XPO1: variants seen among roughly 807,000 people sequenced by gnomAD.
The protein encoded by XPO1 is exportin 1, also known as exportin-1.
Under a neutral mutation model 133.3 loss-of-function variants are expected in XPO1, and 5 were observed. The observed-to-expected ratio is 0.04, with a 90% CI of 0.02 to 0.08. The LOEUF (loss-of-function observed/expected upper bound fraction) is 0.08, where lower values mean the gene tolerates loss of function less well. Ranked by LOEUF, XPO1 falls within the 10% of genes least tolerant of loss-of-function variation. The pLI is 1.00. For synonymous variants in XPO1, 419 were observed against 408.2 expected, an observed-to-expected ratio of 1.03 and a Z score of -0.32; for missense variants, 506 against 1,267.5, an observed-to-expected ratio of 0.40 and a Z score of 9.12.
At chr2:61,527,750 T>C (rs111656672) in intron 2 of XPO1, among the ~76,000 whole-genome samples, 1 of 152,190 alleles carries the variant, frequency 6.6e-6, no homozygotes, top group African/African-American at 2.4e-5. Flanking sequence ...ATCTTTGTTT[T>C]GGAAACTATT....
chr2:61,500,578 C>CAAAAAA (rs56213841), intron 6 of XPO1, among the ~76,000 whole-genome samples: 10,220 of 40,060 alleles, frequency 0.26, 1,824 homozygotes, highest in Non-Finnish European at 0.29. Context: ...GACTCCATCT[C>CAAAAAA]AAAAAAAAAA....
chr2:61,516,440 G>C (rs1698394643), intron 4 of XPO1, among the ~76,000 whole-genome samples: 1 of 151,672 alleles, frequency 6.6e-6, no homozygotes, highest in African/African-American at 2.4e-5. Context: ...TTGAGACTGA[G>C]TTTCGCTCTT....
chr2:61,504,924 G>A (rs1444822232), intron 4 of XPO1, among the ~76,000 whole-genome samples: 1 of 152,178 alleles, frequency 6.6e-6, no homozygotes, highest in Non-Finnish European at 1.5e-5. Context: ...ATACATGTAA[G>A]AGAAATCTAA....
rs200367052 is a variant in XPO1 at position 61,493,060 on chromosome 2, T to G, written c.1246-7A>C. 4 of 1,572,496 alleles carry G rather than the reference T, an allele frequency of 2.5e-6. No individual in the cohort carries two copies. In the Admixed American group the frequency reaches 8.4e-5, roughly 33 times the overall value. On this transcript the variant is annotated splice_polypyrimidine_tract_variant and splice_region_variant and intron_variant, in intron 12 of 24. Transcript: ENST00000401558. ...TAACCATTAATAAACGGACCTATAC[T>G]CAACAATATATCAATCAAGAAAAAA...
chr2:61,479,446 G>A (rs1241444727), intron 24 of XPO1, among the ~76,000 whole-genome samples: 1 of 124,584 alleles, frequency 8.0e-6, no homozygotes. Flanking sequence ...AAGCGAGACT[G>A]TGCCCCCCCA....
At chr2:61,524,042 G>A (rs1048988931) in intron 3 of XPO1, among the ~76,000 whole-genome samples, 1 of 152,050 alleles carries the variant, frequency 6.6e-6, no homozygotes, top group Admixed American at 6.6e-5. Flanking sequence ...TTATGTCTAG[G>A]TCTGAGAAAT....
intron 4 of XPO1, among the ~76,000 whole-genome samples, chr2:61,504,940 TTAAG>T (rs1697721537): frequency 6.6e-6 from 1 of 152,224 alleles, no homozygotes; most frequent in Non-Finnish European, 1.5e-5. Context: ...TCTAATGGTG[TTAAG>T]TGTCAATATG....
At chr2:61,511,737 G>A (rs1573180913) in intron 4 of XPO1, among the ~76,000 whole-genome samples, 3 of 151,670 alleles carry the variant, frequency 2.0e-5, no homozygotes, top group Admixed American at 2.0e-4. Context: ...ATAATTTATA[G>A]CTTACAGATA....
Position 61,497,017 on chromosome 2 carries a change from A to G in XPO1, c.760-10T>C, listed in dbSNP as rs1558644580. 1 of 1,600,536 alleles carries G rather than the reference A, an allele frequency of 6.2e-7. No homozygotes were observed. Among genetic ancestry groups the G allele is most frequent in the Non-Finnish European group, 8.5e-7 (1 of 1,176,362 alleles). ...TTGGAACATTCAGGAACTATTTAAA[A>G]GGGGGGAGGGAACCATAAAATTAAT... is the stretch of plus-strand genomic sequence containing the variant. On this transcript the variant is annotated splice_polypyrimidine_tract_variant and intron_variant, in intron 9 of 24. Coordinates refer to ENST00000401558, the MANE Select transcript of XPO1 (RefSeq NM_003400.4).
chr2:61,509,560 A>C (rs1376628159), intron 4 of XPO1, among the ~76,000 whole-genome samples: 1 of 152,014 alleles, frequency 6.6e-6, no homozygotes, highest in East Asian at 1.9e-4. Context: ...CAGGAGGCAG[A>C]GGTTGCAGTG....
chr2:61,525,652 C>A (rs1698879774), intron 3 of XPO1: 2 of 1,023,392 alleles, frequency 2.0e-6, no homozygotes, highest in African/African-American at 3.4e-5. Context: ...TGTTATGTTA[C>A]TTAAGGTTAG....
chr2:61,492,488 A>G lies in XPO1; in HGVS notation c.1567-7T>C, dbSNP rs535406590. On this transcript the variant is annotated splice_polypyrimidine_tract_variant and splice_region_variant and intron_variant, in intron 14 of 24. Transcript: ENST00000401558. This position sits in a 1 kb window ranked among gnomAD's most constrained non-coding sequence, Gnocchi z 5.6. Reference sequence around the variant, plus strand: ...CACATAATCCTAATAGATCCTGTAAATAAGACAAATTTGTATTATTTATTG... The same window carrying G: ...CACATAATCCTAATAGATCCTGTAAGTAAGACAAATTTGTATTATTTATTG... The G allele has an allele frequency of 2.0e-5, 31 of 1,587,678 alleles. No individual in the cohort carries two copies. The South Asian group carries it at 2.9e-4, about 15-fold the overall frequency.
intron 2 of XPO1, 99 bp downstream of exon 2, chr2:61,533,673 G>T: frequency 7.8e-7 from 1 of 1,278,522 alleles, no homozygotes; most frequent in South Asian, 2.7e-5. Context: ...GCAAACTATG[G>T]AATATCTTTT....
At chr2:61,528,184 C>T (rs180712482) in intron 2 of XPO1, among the ~76,000 whole-genome samples, 288 of 152,098 alleles carry the variant, frequency 1.9e-3, no homozygotes, top group African/African-American at 6.7e-3. Context: ...CTCAGCCTCC[C>T]CAAAGTGCTG....
chr2:61,519,440 G>A (rs1344421577), intron 4 of XPO1, among the ~76,000 whole-genome samples: 1 of 151,584 alleles, frequency 6.6e-6, no homozygotes, highest in African/African-American at 2.4e-5. Context: ...GCTCATGCCT[G>A]TAATCTCAAC....
At position 61,535,373 on chromosome 2, in the gene XPO1, G is replaced by A. The variant is rs1168681071; in HGVS notation, c.-6-1470C>T. Among the ~76,000 whole-genome samples, 4 of 152,120 alleles carry A rather than the reference G, an allele frequency of 2.6e-5. No homozygotes were observed. The East Asian group carries it at 7.7e-4, about 29-fold the overall frequency. On this transcript the variant is annotated intron_variant, in intron 1 of 24. Coordinates refer to ENST00000401558, the MANE Select transcript of XPO1 (RefSeq NM_003400.4). ...CTGAAAGCCATCCATGGCACTCCCA[G>A]TTTAGTGTATTTAGAACTAACAAGG... is the stretch of plus-strand genomic sequence containing the variant.
intron 19 of XPO1, among the ~76,000 whole-genome samples, chr2:61,487,278 T>G (rs773695764): frequency 6.6e-6 from 1 of 152,204 alleles, no homozygotes; most frequent in Non-Finnish European, 1.5e-5. Flanking sequence ...ATTCCCACTG[T>G]GCTCCCGACA....
intron 6 of XPO1, 91 bp from the exon 7 acceptor site, chr2:61,499,985 G>C: frequency 2.4e-6 from 3 of 1,256,226 alleles, no homozygotes; most frequent in Non-Finnish European, 3.3e-6. Context: ...ATAAAGGCAG[G>C]AGTAAGGATA....
chr2:61,481,768 G>C (rs1027202003), intron 23 of XPO1, among the ~76,000 whole-genome samples: 2 of 150,568 alleles, frequency 1.3e-5, no homozygotes, highest in Non-Finnish European at 3.0e-5. Flanking sequence ...AGACAGTCTT[G>C]CTCTGTCACC....
Sources: gnomAD v4.1 joint callset for allele counts (sites outside exome capture counted in the v4.1 genomes callset) on GRCh38, gnomAD v4.1.1 for gene constraint, Gnocchi (gnomAD v3.1) non-coding constraint, MANE v1.5 for transcripts, NCBI Gene and HGNC (gene_info 2026-07-23, HGNC 2026-07-21) for gene names.